The following ELP4 variants were observed in gnomAD, a reference collection of about 807,000 sequenced individuals.
ELP4 encodes elongator acetyltransferase complex subunit 4, also known as elongator complex protein 4.
A neutral mutation model predicts 48.9 loss-of-function variants in ELP4; 51 were observed. That is an observed-to-expected ratio of 1.04 (90% CI 0.83 to 1.32). The LOEUF (loss-of-function observed/expected upper bound fraction) is 1.32, where lower values mean the gene tolerates loss of function less well. Ranked by LOEUF, ELP4 falls within the 40% of genes most tolerant of loss-of-function variation. ELP4 has a pLI of 0.00. For synonymous variants in ELP4, 210 were observed against 189.2 expected, an observed-to-expected ratio of 1.11 and a Z score of -0.90; for missense variants, 519 against 514.6, an observed-to-expected ratio of 1.01 and a Z score of -0.08.
At chr11:31,652,930 A>G (rs1468763356) in intron 9 of ELP4, 1 of 151,636 alleles carries the variant, frequency 6.6e-6, no homozygotes, top group Non-Finnish European at 1.5e-5. Flanking sequence ...CTTTTTTTTA[A>G]TTTGTTAAGT....
intron 2 of ELP4, among the ~76,000 whole-genome samples, chr11:31,522,121 A>G (rs530850389): frequency 6.6e-6 from 1 of 152,340 alleles, no homozygotes. Flanking sequence ...AGACAGAATT[A>G]TTCCTAACAT....
chr11:31,514,165 A>G (rs1013534635), intron 1 of ELP4, among the ~76,000 whole-genome samples: 13 of 152,240 alleles, frequency 8.5e-5, no homozygotes, highest in African/African-American at 1.2e-4. Context: ...TAAAAACAAG[A>G]GTTTATTTGC....
chr11:31,780,130 G>C (rs920827211), intron 9 of ELP4, among the ~76,000 whole-genome samples: 7 of 152,148 alleles, frequency 4.6e-5, no homozygotes, highest in Admixed American at 1.3e-4. Flanking sequence ...CAGCCCTGTA[G>C]TTTTAAGTCT....
At chr11:31,624,469 CT>C (rs1461430677) in intron 5 of ELP4, among the ~76,000 whole-genome samples, 1 of 151,582 alleles carries the variant, frequency 6.6e-6, no homozygotes, top group Non-Finnish European at 1.5e-5. Context: ...GTATAAGACA[CT>C]TACCGAGAAT....
At chr11:31,582,024 G>A (rs1957401062) in intron 3 of ELP4, among the ~76,000 whole-genome samples, 1 of 152,198 alleles carries the variant, frequency 6.6e-6, no homozygotes, top group Non-Finnish European at 1.5e-5. Context: ...AAAGTGCTGG[G>A]ATTACAGGTG....
intron 9 of ELP4, among the ~76,000 whole-genome samples, chr11:31,666,313 G>C (rs754073500): frequency 7.9e-5 from 12 of 151,970 alleles, no homozygotes; most frequent in Non-Finnish European, 1.6e-4. Flanking sequence ...CCAGCCTTCA[G>C]ATTCTTTAAA....
chr11:31,620,183 T>G (rs1247198548), intron 5 of ELP4, among the ~76,000 whole-genome samples: 1 of 151,954 alleles, frequency 6.6e-6, no homozygotes, highest in Non-Finnish European at 1.5e-5. Context: ...GTCATACCAG[T>G]CTGTTTCTCT....
intron 5 of ELP4, among the ~76,000 whole-genome samples, chr11:31,604,317 G>A (rs1957832841): frequency 6.6e-6 from 1 of 151,686 alleles, no homozygotes. Context: ...TAATTTTTTG[G>A]CATATACTTT....
chr11:31,752,789 G>A (rs574227057), intron 9 of ELP4, among the ~76,000 whole-genome samples: 71 of 149,608 alleles, frequency 4.7e-4, no homozygotes, highest in South Asian at 3.0e-3. Context: ...AGCTGGGATC[G>A]CGCCACTGAA....
intron 9 of ELP4, among the ~76,000 whole-genome samples, chr11:31,686,409 A>G (rs1290537592): frequency 6.6e-6 from 1 of 151,100 alleles, no homozygotes; most frequent in Non-Finnish European, 1.5e-5. Flanking sequence ...AATTAGATGC[A>G]AGCATCTGAC....
intron 9 of ELP4, among the ~76,000 whole-genome samples, chr11:31,760,980 T>C (rs1428331151): frequency 6.6e-6 from 1 of 152,234 alleles, no homozygotes; most frequent in East Asian, 1.9e-4. Flanking sequence ...ATTTTGAGTA[T>C]TTTATGAATC....
chr11:31,604,711 TTA>T (rs1236342144), intron 5 of ELP4, among the ~76,000 whole-genome samples: 1 of 151,918 alleles, frequency 6.6e-6, no homozygotes, highest in African/African-American at 2.4e-5. Context: ...GACTTAAAAT[TTA>T]TAGTCTCTGT....
chr11:31,705,262 G>A (rs965953291), intron 9 of ELP4, among the ~76,000 whole-genome samples: 1 of 152,096 alleles, frequency 6.6e-6, no homozygotes, highest in African/African-American at 2.4e-5. Flanking sequence ...GAGGGCAAGA[G>A]CATGTCAGCT....
chr11:31,660,610 A>G (rs1019234104), intron 9 of ELP4, among the ~76,000 whole-genome samples: 9 of 152,152 alleles, frequency 5.9e-5, no homozygotes, highest in African/African-American at 1.9e-4. Context: ...ACAGCTTTTA[A>G]GGGAAAATTG....
At chr11:31,637,677 A>G (rs899404599) in intron 7 of ELP4, among the ~76,000 whole-genome samples, 2 of 151,998 alleles carry the variant, frequency 1.3e-5, no homozygotes, top group African/African-American at 4.8e-5. Context: ...TGACTTCCAT[A>G]TCTAGCAAGA....
At chr11:31,714,719 A>G in intron 9 of ELP4, 1 of 398,522 alleles carries the variant, frequency 2.5e-6, no homozygotes, top group Non-Finnish European at 4.4e-6. Context: ...CAGCTTCTAG[A>G]GGTTGCCTGC....
At chr11:31,755,498 C>T (rs113286012) in intron 9 of ELP4, among the ~76,000 whole-genome samples, 26 of 152,274 alleles carry the variant, frequency 1.7e-4, no homozygotes, top group African/African-American at 6.0e-4. Context: ...TGGTAAAATG[C>T]GCTGAGAAGC....
At chr11:31,589,301 T>C (rs1957530829) in intron 3 of ELP4, among the ~76,000 whole-genome samples, 1 of 152,188 alleles carries the variant, frequency 6.6e-6, no homozygotes, top group South Asian at 2.1e-4. Flanking sequence ...GTCAAGAAAT[T>C]TATAGCCTTT....
chr11:31,763,667 C>G (rs1157316360), intron 9 of ELP4: 3 of 1,046,110 alleles, frequency 2.9e-6, no homozygotes, highest in Non-Finnish European at 3.9e-6. Flanking sequence ...ATTTAATCAC[C>G]TTTTTACCAA....
Sources: gnomAD v4.1 joint callset for allele counts (sites outside exome capture counted in the v4.1 genomes callset) on GRCh38, gnomAD v4.1.1 for gene constraint, MANE v1.5 for transcripts, NCBI Gene and HGNC (gene_info 2026-07-23, HGNC 2026-07-21) for gene names.